RGS17: variants seen among roughly 807,000 people sequenced by gnomAD.
RGS17 encodes the protein regulator of G protein signaling 17.
Under a neutral mutation model 25.5 loss-of-function variants are expected in RGS17, and 12 were observed. The observed-to-expected ratio is 0.47, with a 90% CI of 0.30 to 0.76. The LOEUF (loss-of-function observed/expected upper bound fraction) is 0.76. RGS17 is among the 30% of genes least tolerant of loss of function. RGS17 has a pLI of 0.07. For synonymous variants in RGS17, 71 were observed against 76.9 expected (o/e 0.92, Z 0.40); for missense variants, 196 against 242.2 (o/e 0.81, Z 1.27).
At chr6:153,041,980 C>T (rs1054694630) in intron 2 of RGS17, among the ~76,000 whole-genome samples, 2 of 152,064 alleles carry the variant, frequency 1.3e-5, no homozygotes, top group Non-Finnish European at 2.9e-5. Context: ...AATGGCCTTA[C>T]GAGGCAGGGA....
At chr6:153,071,094 TAC>T (rs779045581) in intron 1 of RGS17, among the ~76,000 whole-genome samples, 13 of 149,956 alleles carry the variant, frequency 8.7e-5, no homozygotes, top group African/African-American at 2.7e-4. Flanking sequence ...CATGTATATA[TAC>T]ACACTCATAT....
At chr6:153,028,569 G>T (rs1779328215) in intron 2 of RGS17, among the ~76,000 whole-genome samples, 1 of 152,124 alleles carries the variant, frequency 6.6e-6, no homozygotes, top group Admixed American at 6.6e-5. Context: ...TCTGGAATTT[G>T]ATGTATTTCC....
chr6:153,065,431 C>T (rs1776693547), intron 1 of RGS17, among the ~76,000 whole-genome samples: 1 of 152,140 alleles, frequency 6.6e-6, no homozygotes, highest in East Asian at 1.9e-4. Context: ...ACTTAATCTG[C>T]ACTATAGACC....
intron 1 of RGS17, among the ~76,000 whole-genome samples, chr6:153,046,398 A>G (rs909252978): frequency 6.6e-5 from 10 of 152,068 alleles, no homozygotes; most frequent in African/African-American, 2.4e-4. Context: ...TATGGTAATG[A>G]TCCTTTATTA....
At chr6:153,082,750 T>C (rs559927833) in intron 1 of RGS17, among the ~76,000 whole-genome samples, 63 of 152,198 alleles carry the variant, frequency 4.1e-4, no homozygotes, top group Non-Finnish European at 7.9e-4. Context: ...CTGGATACTA[T>C]GTTAATTTTA....
intron 1 of RGS17, among the ~76,000 whole-genome samples, chr6:153,111,844 C>T (rs776059778): frequency 2.6e-5 from 4 of 152,120 alleles, no homozygotes; most frequent in Non-Finnish European, 5.9e-5. Flanking sequence ...GCAGGGGGGC[C>T]TGACTGTTAG....
chr6:153,011,682 T>C lies in RGS17; in HGVS notation c.525A>G (p.Gln175=), dbSNP rs1779134761. 6.2e-7 allele frequency: 1 copy of C among 1,611,474 alleles called. No individual in the cohort carries two copies. Among genetic ancestry groups the C allele is most frequent in the Admixed American group, 1.7e-5 (1 of 59,966 alleles). The part of the protein sequence containing the change: ...DPNPHMYEDA[Q]LQIYTLMHRD... ...TGTGCATTAAAGTATATATCTGAAG[T>C]TGGGCATCTTCATACATGTGAGGAT... The change falls in exon 5 of 5, where the codon CAA becomes CAG. Residue 175 remains glutamine (Q), a synonymous_variant. Coordinates refer to ENST00000206262, the MANE Select transcript of RGS17 (RefSeq NM_012419.5).
chr6:153,070,747 G>A (rs561204370), intron 1 of RGS17, among the ~76,000 whole-genome samples: 12 of 146,830 alleles, frequency 8.2e-5, no homozygotes, highest in African/African-American at 2.8e-4. Flanking sequence ...ATACATAGAC[G>A]TATATGTGTG....
intron 1 of RGS17, among the ~76,000 whole-genome samples, chr6:153,094,766 C>G (rs1777184163): frequency 6.6e-6 from 1 of 152,128 alleles, no homozygotes; most frequent in African/African-American, 2.4e-5. Context: ...TTTCTTTTCC[C>G]TTCCTCATTT....
chr6:153,129,990 G>A (rs1777762672), intron 1 of RGS17, among the ~76,000 whole-genome samples: 1 of 152,064 alleles, frequency 6.6e-6, no homozygotes, highest in African/African-American at 2.4e-5. Context: ...AGGCGACCCC[G>A]GCTCGCTCTC....
chr6:153,110,425 T>TACACACACACACACACAC lies in RGS17; in HGVS notation c.-26+20681_-26+20698dup, dbSNP rs149969105. ...TTTGATGGACTCTTTACTGCCAACA[T>TACACACACACACACACAC]ACACACACACACACACACACACACA... On this transcript the variant is annotated intron_variant, in intron 1 of 4. Coordinates refer to ENST00000206262, the MANE Select transcript of RGS17 (RefSeq NM_012419.5). Among the ~76,000 whole-genome samples, 839 of 144,902 alleles carry TACACACACACACACACAC rather than the reference T, an allele frequency of 5.8e-3. 10 individuals are homozygous for TACACACACACACACACAC. The highest frequency in any genetic ancestry group is 0.019 in the Admixed American group (282 of 14,508).
intron 1 of RGS17, among the ~76,000 whole-genome samples, chr6:153,128,743 G>A (rs1042575118): frequency 4.6e-5 from 7 of 152,048 alleles, no homozygotes; most frequent in African/African-American, 1.2e-4. Context: ...GTATAAAATG[G>A]TCACAGGAAT....
chr6:153,071,035 AC>A (rs1257485668), intron 1 of RGS17, among the ~76,000 whole-genome samples: 5 of 148,042 alleles, frequency 3.4e-5, no homozygotes, highest in Admixed American at 3.3e-4. Flanking sequence ...ATGTATATAT[AC>A]GTATATGTAC....
At chr6:153,015,793 A>G (rs1398534967) in intron 4 of RGS17, among the ~76,000 whole-genome samples, 1 of 151,816 alleles carries the variant, frequency 6.6e-6, no homozygotes, top group African/African-American at 2.4e-5. Context: ...AGCGGGGACT[A>G]CAGGCGCCCG....
intron 1 of RGS17, among the ~76,000 whole-genome samples, chr6:153,074,727 G>A (rs1237311772): frequency 2.6e-5 from 4 of 152,202 alleles, no homozygotes; most frequent in South Asian, 4.2e-4. Flanking sequence ...AGCAATCTTC[G>A]CTCTCATCAT....
At chr6:153,042,232 G>C (rs1284000736) in intron 2 of RGS17, among the ~76,000 whole-genome samples, 1 of 151,670 alleles carries the variant, frequency 6.6e-6, no homozygotes, top group Non-Finnish European at 1.5e-5. Context: ...AAATTATTAA[G>C]GCTTAATAAT....
At chr6:153,116,549 T>C (rs1255020811) in intron 1 of RGS17, among the ~76,000 whole-genome samples, 1 of 152,122 alleles carries the variant, frequency 6.6e-6, no homozygotes, top group East Asian at 1.9e-4. Context: ...AGAAATACCA[T>C]TTGACCCAGC....
chr6:153,094,532 G>T (rs1777180262), intron 1 of RGS17, among the ~76,000 whole-genome samples: 1 of 151,962 alleles, frequency 6.6e-6, no homozygotes, highest in African/African-American at 2.4e-5. Flanking sequence ...GATACTTTTT[G>T]AAAATCAAAT....
At chr6:153,119,887 G>A (rs1584167345) in intron 1 of RGS17, among the ~76,000 whole-genome samples, 1 of 152,106 alleles carries the variant, frequency 6.6e-6, no homozygotes, top group Non-Finnish European at 1.5e-5. Context: ...ATATCATTGG[G>A]ACAATTTAGA....
Sources: gnomAD v4.1 joint callset for allele counts (sites outside exome capture counted in the v4.1 genomes callset) on GRCh38, gnomAD v4.1.1 for gene constraint, MANE v1.5 for transcripts, NCBI Gene and HGNC (gene_info 2026-07-23, HGNC 2026-07-21) for gene names.